Variants in ZFPM2 observed in about 807,000 individuals in gnomAD.
ZFPM2 encodes the protein zinc finger protein ZFPM2.
ZFPM2 carries 20 observed loss-of-function variants against 98.6 expected under a neutral mutation model. The ratio of observed to expected loss-of-function variants is 0.20; its 90% CI spans 0.14 to 0.29. The LOEUF is 0.29. Among genes scored for constraint, ZFPM2 ranks in the 10% least tolerant of loss-of-function variants. ZFPM2 has a pLI of 1.00. For synonymous variants in ZFPM2, 518 were observed against 502.7 expected (o/e 1.03, Z -0.41); for missense variants, 1,310 against 1,388.6 (o/e 0.94, Z 0.90).
intron 1 of ZFPM2, among the ~76,000 whole-genome samples, chr8:105,402,544 G>C (rs2129988836): frequency 6.6e-6 from 1 of 151,840 alleles, no homozygotes; most frequent in Non-Finnish European, 1.5e-5. Flanking sequence ...GGGATCCTTT[G>C]GCTTCTTTTC....
intron 1 of ZFPM2, among the ~76,000 whole-genome samples, chr8:105,320,256 T>TTGTGTG (rs71305141): frequency 0.057 from 8,042 of 142,270 alleles, 281 homozygotes; most frequent in Non-Finnish European, 0.076. Flanking sequence ...ATTCAGATCT[T>TTGTGTG]TGTGTGTGTG....
chr8:105,465,155 A>G (rs1812775486), intron 3 of ZFPM2, among the ~76,000 whole-genome samples: 1 of 151,982 alleles, frequency 6.6e-6, no homozygotes, highest in Admixed American at 6.6e-5. Context: ...AAATTGTGGA[A>G]GATACATTTA....
chr8:105,454,652 T>C (rs2130269083), intron 3 of ZFPM2, among the ~76,000 whole-genome samples: 1 of 152,364 alleles, frequency 6.6e-6, no homozygotes, highest in East Asian at 1.9e-4. Context: ...ATTTGCAAAA[T>C]GCTGGTTTTC....
chr8:105,716,336 T>C (rs968650418), intron 5 of ZFPM2, among the ~76,000 whole-genome samples: 2 of 151,664 alleles, frequency 1.3e-5, no homozygotes, highest in African/African-American at 4.8e-5. Flanking sequence ...ATGGTTCTCA[T>C]ATTAGACATT....
At chr8:105,763,654 TG>T in intron 5 of ZFPM2, among the ~76,000 whole-genome samples, 1 of 149,942 alleles carries the variant, frequency 6.7e-6, no homozygotes, top group South Asian at 2.1e-4. Flanking sequence ...ATGAGGAAAC[TG>T]TGTCTCAGAA....
chr8:105,351,573 T>C (rs190099469), intron 1 of ZFPM2, among the ~76,000 whole-genome samples: 4 of 152,258 alleles, frequency 2.6e-5, no homozygotes, highest in African/African-American at 7.2e-5. Context: ...TGCCATGAGA[T>C]ACATTAACTG....
intron 1 of ZFPM2, among the ~76,000 whole-genome samples, chr8:105,401,674 T>C (rs1322354402): frequency 6.6e-6 from 1 of 152,140 alleles, no homozygotes; most frequent in Non-Finnish European, 1.5e-5. Flanking sequence ...AGAAAACTGG[T>C]AATAGGGGAA....
At chr8:105,405,430 C>A (rs192429148) in intron 1 of ZFPM2, among the ~76,000 whole-genome samples, 2 of 138,312 alleles carry the variant, frequency 1.4e-5, no homozygotes, top group South Asian at 2.8e-4. Context: ...TCCCTCCCCC[C>A]TCCCCCACCC....
intron 5 of ZFPM2, among the ~76,000 whole-genome samples, chr8:105,726,223 T>C (rs1265270521): frequency 1.3e-5 from 2 of 151,656 alleles, no homozygotes; most frequent in Non-Finnish European, 2.9e-5. Flanking sequence ...TAATAAGAAT[T>C]ATTTGGAGAG....
At chr8:105,703,353 G>T (rs1363468650) in intron 5 of ZFPM2, among the ~76,000 whole-genome samples, 1 of 152,092 alleles carries the variant, frequency 6.6e-6, no homozygotes, top group Non-Finnish European at 1.5e-5. Flanking sequence ...ATTACAGAGA[G>T]ATCTACTGGG....
chr8:105,802,679 T>C lies in ZFPM2; in HGVS notation c.2597T>C (p.Val866Ala). 1 of 1,610,870 alleles carries C rather than the reference T, an allele frequency of 6.2e-7. No individual in the cohort carries two copies. The highest frequency in any genetic ancestry group is 8.5e-7 in the Non-Finnish European group (1 of 1,178,518). ...CTVCKISFNKVENYLAHKQNF... is the reference protein window; with the variant it reads ...CTVCKISFNKAENYLAHKQNF... ...GTGTGCAAGATCAGTTTCAATAAGGTAGAAAACTATCTGGCCCACAAGCAG... is the reference window on the plus strand; with the variant it reads ...GTGTGCAAGATCAGTTTCAATAAGGCAGAAAACTATCTGGCCCACAAGCAG... Residue 866 changes from valine to alanine, a missense_variant, in exon 8 of 8, where the codon GTA becomes GCA. Val to Ala is a moderately conservative substitution (Grantham distance 64). Coordinates refer to ENST00000407775, the MANE Select transcript of ZFPM2 (RefSeq NM_012082.4).
intron 5 of ZFPM2, among the ~76,000 whole-genome samples, chr8:105,659,345 T>C (rs1357894978): frequency 6.6e-6 from 1 of 152,188 alleles, no homozygotes; most frequent in African/African-American, 2.4e-5. Context: ...CCTTCAACTC[T>C]GAAAGTATGA....
At chr8:105,797,143 G>GTGAT (rs1430796122) in intron 6 of ZFPM2, 2 of 152,232 alleles carry the variant, frequency 1.3e-5, no homozygotes, top group Admixed American at 6.5e-5. Context: ...TTATGGAAGA[G>GTGAT]TGATTAAGAC....
At chr8:105,497,373 A>G (rs1410832181) in intron 3 of ZFPM2, among the ~76,000 whole-genome samples, 1 of 152,164 alleles carries the variant, frequency 6.6e-6, no homozygotes, top group African/African-American at 2.4e-5. Context: ...GCAAACAAAC[A>G]AACAAAAAAC....
chr8:105,490,341 A>G (rs1181814451), intron 3 of ZFPM2, among the ~76,000 whole-genome samples: 1 of 152,208 alleles, frequency 6.6e-6, no homozygotes, highest in Non-Finnish European at 1.5e-5. Context: ...AGATGGTGTT[A>G]TCTTTTATAA....
intron 1 of ZFPM2, among the ~76,000 whole-genome samples, chr8:105,394,272 CAG>C (rs962856430): frequency 6.6e-6 from 1 of 152,184 alleles, no homozygotes; most frequent in East Asian, 1.9e-4. Context: ...GCAAATCAAA[CAG>C]GGGCATCTCT....
chr8:105,648,400 A>G (rs1054400503), intron 5 of ZFPM2, among the ~76,000 whole-genome samples: 5 of 152,126 alleles, frequency 3.3e-5, no homozygotes, highest in African/African-American at 4.8e-5. Flanking sequence ...CCATTTGTCA[A>G]TTTTGGCTTT....
intron 1 of ZFPM2, among the ~76,000 whole-genome samples, chr8:105,330,624 AT>A (rs1812212907): frequency 1.0e-5 from 1 of 99,096 alleles, no homozygotes; most frequent in Admixed American, 1.1e-4. Context: ...ATATATATAT[AT>A]ATATATACAT....
At chr8:105,468,126 G>A (rs1042903108) in intron 3 of ZFPM2, among the ~76,000 whole-genome samples, 1 of 150,792 alleles carries the variant, frequency 6.6e-6, no homozygotes, top group South Asian at 2.1e-4. Flanking sequence ...TTACTTCTTC[G>A]GTGTCCAGGC....
Sources: allele counts gnomAD v4.1 joint callset (sites outside exome capture counted in the v4.1 genomes callset), GRCh38; gene constraint gnomAD v4.1.1; transcripts MANE v1.5; gene names NCBI Gene and HGNC (gene_info 2026-07-23, HGNC 2026-07-21).